Variants in ZFPM2 observed in about 807,000 individuals in gnomAD.
ZFPM2 encodes zinc finger protein, FOG family member 2.
A neutral mutation model predicts 98.6 loss-of-function variants in ZFPM2; 20 were observed. That is an observed-to-expected ratio of 0.20 (90% confidence interval 0.14 to 0.29). ZFPM2 has a LOEUF of 0.29. ZFPM2 is among the 10% of genes least tolerant of loss of function. The pLI, the probability that ZFPM2 is intolerant of heterozygous loss-of-function variation, is 1.00. For synonymous variants in ZFPM2, 518 were observed against 502.7 expected (o/e 1.03, Z -0.41); for missense variants, 1,310 against 1,388.6 (o/e 0.94, Z 0.90).
chr8:105,695,310 G>A lies in ZFPM2; in HGVS notation c.532+60953G>A, dbSNP rs570541945. On this transcript the variant is annotated intron_variant, in intron 5 of 7. Transcript: ENST00000407775. Reference sequence around the variant, plus strand: ...AGAAAAGAAAAGTGTATTTACAGCAGTGTCTTCGCAGATTAAAGCCCTGTC... The same window carrying A: ...AGAAAAGAAAAGTGTATTTACAGCAATGTCTTCGCAGATTAAAGCCCTGTC... 8.6e-5 allele frequency among the ~76,000 whole-genome samples: 13 copies of A among 150,716 alleles called. No individual in the cohort carries two copies. In the East Asian group the frequency reaches 2.5e-3, roughly 29 times the overall value.
At chr8:105,564,890 C>T (rs2130707081) in intron 4 of ZFPM2, among the ~76,000 whole-genome samples, 1 of 152,008 alleles carries the variant, frequency 6.6e-6, no homozygotes, top group East Asian at 1.9e-4. Flanking sequence ...GTTTTGTTAC[C>T]TCTCATAATT....
At chr8:105,395,921 CA>C (rs1811209794) in intron 1 of ZFPM2, among the ~76,000 whole-genome samples, 1 of 152,168 alleles carries the variant, frequency 6.6e-6, no homozygotes, top group Admixed American at 6.5e-5. Context: ...CATTGTTTTC[CA>C]AGTGATACTT....
chr8:105,351,485 TA>T (rs1178148284), intron 1 of ZFPM2, among the ~76,000 whole-genome samples: 3 of 152,052 alleles, frequency 2.0e-5, no homozygotes, highest in Non-Finnish European at 4.4e-5. Context: ...CAAATTTAAC[TA>T]GAATTTTTAG....
At chr8:105,679,280 G>A (rs533485871) in intron 5 of ZFPM2, among the ~76,000 whole-genome samples, 217 of 152,218 alleles carry the variant, frequency 1.4e-3, no homozygotes, top group African/African-American at 5.1e-3. Flanking sequence ...ATCCCACATG[G>A]CAACAAATGA....
chr8:105,697,674 T>A (rs1203465683), intron 5 of ZFPM2, among the ~76,000 whole-genome samples: 2 of 152,198 alleles, frequency 1.3e-5, no homozygotes, highest in Non-Finnish European at 2.9e-5. Flanking sequence ...AGTATGCACA[T>A]GAAAAAATTA....
intron 4 of ZFPM2, among the ~76,000 whole-genome samples, chr8:105,621,707 G>A (rs1319050759): frequency 2.0e-5 from 3 of 152,154 alleles, no homozygotes; most frequent in Admixed American, 6.6e-5. Flanking sequence ...TTATTAATAT[G>A]TTGTGAACAT....
At chr8:105,614,138 T>C (rs770141014) in intron 4 of ZFPM2, among the ~76,000 whole-genome samples, 1 of 152,126 alleles carries the variant, frequency 6.6e-6, no homozygotes, top group Non-Finnish European at 1.5e-5. Flanking sequence ...CAATCACAGA[T>C]CATTATTTTT....
intron 3 of ZFPM2, among the ~76,000 whole-genome samples, chr8:105,463,868 C>G (rs1812747567): frequency 1.3e-5 from 2 of 151,970 alleles, no homozygotes; most frequent in Admixed American, 1.3e-4. Context: ...CACTTAAATG[C>G]TTGAAGAATC....
At chr8:105,344,683 A>ATG (rs949327032) in intron 1 of ZFPM2, among the ~76,000 whole-genome samples, 8 of 151,922 alleles carry the variant, frequency 5.3e-5, no homozygotes, top group African/African-American at 1.7e-4. Context: ...ACACATATAT[A>ATG]TGTGTGTGTG....
At chr8:105,775,987 C>T (rs368087868) in intron 5 of ZFPM2, among the ~76,000 whole-genome samples, 7 of 151,842 alleles carry the variant, frequency 4.6e-5, no homozygotes, top group Non-Finnish European at 7.4e-5. Flanking sequence ...AGTAGAAATC[C>T]GGGCCTGATG....
At chr8:105,791,944 T>G (rs1374536260) in intron 6 of ZFPM2, among the ~76,000 whole-genome samples, 1 of 152,226 alleles carries the variant, frequency 6.6e-6, no homozygotes, top group South Asian at 2.1e-4. Flanking sequence ...ATATCCCCTT[T>G]ATCATTTTTT....
At chr8:105,471,852 AGACCT>A (rs1812910215) in intron 3 of ZFPM2, among the ~76,000 whole-genome samples, 1 of 152,136 alleles carries the variant, frequency 6.6e-6, no homozygotes, top group African/African-American at 2.4e-5. Context: ...TCAGATAAGG[AGACCT>A]GCATGGTCTC....
At chr8:105,697,437 C>T (rs1191666773) in intron 5 of ZFPM2, among the ~76,000 whole-genome samples, 3 of 152,082 alleles carry the variant, frequency 2.0e-5, no homozygotes, top group African/African-American at 7.2e-5. Flanking sequence ...ATTTTAAAGA[C>T]AGCTTATTAA....
At chr8:105,634,154 G>A in intron 4 of ZFPM2, 92 bp from the exon 5 acceptor site, 2 of 942,684 alleles carry the variant, frequency 2.1e-6, no homozygotes, top group Non-Finnish European at 3.2e-6. Context: ...AGATTTAGTT[G>A]TTTGTAAAAA....
chr8:105,598,382 A>G (rs1261551404), intron 4 of ZFPM2, among the ~76,000 whole-genome samples: 1 of 152,172 alleles, frequency 6.6e-6, no homozygotes, highest in African/African-American at 2.4e-5. Context: ...TTATTTTGAT[A>G]AAGGGCTTTT....
intron 1 of ZFPM2, among the ~76,000 whole-genome samples, chr8:105,320,047 T>G (rs1024565659): frequency 6.6e-6 from 1 of 152,210 alleles, no homozygotes; most frequent in Non-Finnish European, 1.5e-5. Context: ...GCTCAGAGTC[T>G]GCAATTAGTT....
At chr8:105,514,296 C>A (rs1332379201) in intron 3 of ZFPM2, among the ~76,000 whole-genome samples, 4 of 145,554 alleles carry the variant, frequency 2.7e-5, no homozygotes. Flanking sequence ...AGCCACCGTT[C>A]CTGGTCGTGT....
chr8:105,418,011 T>A (rs1396866152), intron 1 of ZFPM2, among the ~76,000 whole-genome samples: 1 of 152,172 alleles, frequency 6.6e-6, no homozygotes, highest in Non-Finnish European at 1.5e-5. Context: ...CTTTTACAAC[T>A]TGCTTTTTGG....
At chr8:105,473,948 A>C (rs1363443570) in intron 3 of ZFPM2, among the ~76,000 whole-genome samples, 1 of 152,224 alleles carries the variant, frequency 6.6e-6, no homozygotes, top group East Asian at 1.9e-4. Flanking sequence ...TTAGTTTTGC[A>C]GCTTAGATTG....
Sources: gnomAD v4.1 joint callset for allele counts (sites outside exome capture counted in the v4.1 genomes callset) on GRCh38, gnomAD v4.1.1 for gene constraint, MANE v1.5 for transcripts, NCBI Gene and HGNC (gene_info 2026-07-23, HGNC 2026-07-21) for gene names.